Variants in ITGBL1 observed in about 807,000 individuals in gnomAD.
ITGBL1 encodes the protein integrin beta-like protein 1.
Under a neutral mutation model 68.5 loss-of-function variants are expected in ITGBL1, and 51 were observed. That is an observed-to-expected ratio of 0.74 (90% confidence interval 0.59 to 0.94). The LOEUF (loss-of-function observed/expected upper bound fraction) is 0.94, where lower values mean the gene tolerates loss of function less well. Among genes scored for constraint, ITGBL1 ranks in the 40% least tolerant of loss-of-function variants. The probability of loss-of-function intolerance (pLI) is 0.00; values close to 1 mark genes in which losing one functional copy is unlikely to be tolerated. For synonymous variants in ITGBL1, 209 were observed against 227.3 expected (o/e 0.92, Z 0.72); for missense variants, 649 against 647.4 (o/e 1.00, Z -0.03).
chr13:101,468,035 C>A (rs1360149889), intron 2 of ITGBL1, among the ~76,000 whole-genome samples: 2 of 152,120 alleles, frequency 1.3e-5, no homozygotes, highest in South Asian at 2.1e-4. Context: ...CCTAATTGTT[C>A]ATTACTGCTT....
intron 10 of ITGBL1, 21 bp from the exon 11 acceptor site, chr13:101,715,542 C>A (rs765348741): frequency 8.5e-6 from 13 of 1,524,544 alleles, no homozygotes; most frequent in Non-Finnish European, 9.1e-7. Context: ...AATCATGATA[C>A]CTATATGTAT....
At chr13:101,593,213 A>C (rs1417649702) in intron 6 of ITGBL1, among the ~76,000 whole-genome samples, 2 of 151,772 alleles carry the variant, frequency 1.3e-5, no homozygotes, top group Admixed American at 6.6e-5. Context: ...ATACCTCTTC[A>C]CTCCAGTTAG....
intron 2 of ITGBL1, among the ~76,000 whole-genome samples, chr13:101,498,332 T>G (rs969854583): frequency 3.3e-5 from 5 of 152,192 alleles, no homozygotes; most frequent in Non-Finnish European, 7.3e-5. Context: ...TCAAATAAGA[T>G]GTACATCCAA....
chr13:101,657,350 C>A (rs1458041980), intron 7 of ITGBL1, among the ~76,000 whole-genome samples: 2 of 152,036 alleles, frequency 1.3e-5, no homozygotes, highest in East Asian at 3.9e-4. Context: ...GAAACATATT[C>A]CCTCTTTAAT....
intron 7 of ITGBL1, among the ~76,000 whole-genome samples, chr13:101,604,561 C>A (rs1458159557): frequency 4.6e-5 from 7 of 151,300 alleles, no homozygotes; most frequent in African/African-American, 1.7e-4. Flanking sequence ...TTATGACAGC[C>A]AGTTGAGTGC....
chr13:101,657,574 G>A (rs1212662783), intron 7 of ITGBL1, among the ~76,000 whole-genome samples: 2 of 152,078 alleles, frequency 1.3e-5, no homozygotes, highest in Non-Finnish European at 2.9e-5. Flanking sequence ...AGCTAAATAT[G>A]CCTAAACTCT....
At chr13:101,610,409 T>C (rs2031068981) in intron 7 of ITGBL1, among the ~76,000 whole-genome samples, 1 of 152,116 alleles carries the variant, frequency 6.6e-6, no homozygotes, top group South Asian at 2.1e-4. Flanking sequence ...CAAAACTTAA[T>C]AGGGCTGGTC....
intron 2 of ITGBL1, among the ~76,000 whole-genome samples, chr13:101,476,890 A>T (rs1046922396): frequency 6.6e-6 from 1 of 152,152 alleles, no homozygotes; most frequent in Admixed American, 6.5e-5. Flanking sequence ...ACCCCAATAC[A>T]ATAAGAGCTA....
chr13:101,528,152 GTT>G (rs1266463005), intron 2 of ITGBL1, among the ~76,000 whole-genome samples: 3 of 150,934 alleles, frequency 2.0e-5, no homozygotes, highest in South Asian at 2.1e-4. Flanking sequence ...ATATATATAG[GTT>G]TATTAATATT....
intron 2 of ITGBL1, among the ~76,000 whole-genome samples, chr13:101,466,480 G>A (rs749118106): frequency 6.6e-6 from 1 of 151,886 alleles, no homozygotes; most frequent in Non-Finnish European, 1.5e-5. Flanking sequence ...TAATCTACTT[G>A]GCCATTAAGA....
intron 2 of ITGBL1, among the ~76,000 whole-genome samples, chr13:101,470,332 T>C (rs954959381): frequency 1.1e-4 from 16 of 151,640 alleles, no homozygotes; most frequent in African/African-American, 3.7e-4. Flanking sequence ...TTTTAATTAA[T>C]TTATTTTTTT....
chr13:101,640,094 C>A (rs767360973), intron 7 of ITGBL1, among the ~76,000 whole-genome samples: 1 of 152,130 alleles, frequency 6.6e-6, no homozygotes, highest in Admixed American at 6.6e-5. Flanking sequence ...CAAGAAAGAA[C>A]TTTACACACT....
chr13:101,473,286 A>C (rs1694743472), intron 2 of ITGBL1, among the ~76,000 whole-genome samples: 1 of 152,196 alleles, frequency 6.6e-6, no homozygotes, highest in South Asian at 2.1e-4. Flanking sequence ...TCACCACACC[A>C]TGCCTACCCC....
chr13:101,659,295 A>C (rs1003172682), intron 7 of ITGBL1, among the ~76,000 whole-genome samples: 1 of 152,090 alleles, frequency 6.6e-6, no homozygotes, highest in African/African-American at 2.4e-5. Context: ...TTTTAACTAC[A>C]CCTATTTTTC....
chr13:101,686,665 A>C (rs374375218), intron 7 of ITGBL1, among the ~76,000 whole-genome samples: 1 of 151,346 alleles, frequency 6.6e-6, no homozygotes, highest in East Asian at 2.0e-4. Context: ...AGAATGAGAT[A>C]ATGTGGATTA....
At chr13:101,596,303 T>G (rs879832629) in intron 6 of ITGBL1, among the ~76,000 whole-genome samples, 1 of 152,162 alleles carries the variant, frequency 6.6e-6, no homozygotes, top group African/African-American at 2.4e-5. Context: ...ATGGGGAGAC[T>G]TTGCATACAA....
At chr13:101,668,037 G>T (rs926057448) in intron 7 of ITGBL1, among the ~76,000 whole-genome samples, 1 of 152,080 alleles carries the variant, frequency 6.6e-6, no homozygotes, top group Non-Finnish European at 1.5e-5. Context: ...GCCTGGGTTT[G>T]CTGGTTAGAC....
At chr13:101,702,611 CAG>C (rs1193232578) in intron 8 of ITGBL1, among the ~76,000 whole-genome samples, 3 of 151,632 alleles carry the variant, frequency 2.0e-5, no homozygotes, top group Non-Finnish European at 4.4e-5. Context: ...AAAAAAAAGA[CAG>C]AATATTTTTC....
At chr13:101,476,876 A>T (rs867153696) in intron 2 of ITGBL1, among the ~76,000 whole-genome samples, 3 of 152,156 alleles carry the variant, frequency 2.0e-5, no homozygotes, top group South Asian at 2.1e-4. Flanking sequence ...AAAGTGAGAG[A>T]TAGACCCCAA....
Sources: gnomAD v4.1 joint callset for allele counts (sites outside exome capture counted in the v4.1 genomes callset) on GRCh38, gnomAD v4.1.1 for gene constraint, MANE v1.5 for transcripts, NCBI Gene and HGNC (gene_info 2026-07-23, HGNC 2026-07-21) for gene names.